SMAP1: variants seen among roughly 807,000 people sequenced by gnomAD.
SMAP1 encodes the protein stromal membrane-associated protein 1.
In SMAP1, 24 loss-of-function variants were observed where a neutral mutation model predicts 58.5. The observed-to-expected ratio is 0.41, with a 90% CI of 0.30 to 0.58. The LOEUF (loss-of-function observed/expected upper bound fraction) is 0.58, where lower values mean the gene tolerates loss of function less well. Among genes scored for constraint, SMAP1 ranks in the 20% least tolerant of loss-of-function variants. The pLI is 0.29. For synonymous variants in SMAP1, 216 were observed against 196.6 expected, an observed-to-expected ratio of 1.10 and a Z score of -0.82; for missense variants, 563 against 566.3, an observed-to-expected ratio of 0.99 and a Z score of 0.06.
intron 4 of SMAP1, among the ~76,000 whole-genome samples, chr6:70,783,277 A>G (rs1248429996): frequency 2.0e-5 from 3 of 152,244 alleles, no homozygotes; most frequent in Non-Finnish European, 4.4e-5. Context: ...AACAGAAAGG[A>G]CATCCACACC....
In SMAP1 at chr6:70,707,020, A is replaced by G. The variant is rs76279445; in HGVS notation, c.119-25358A>G. On this transcript the variant is annotated intron_variant, in intron 1 of 10. Coordinates refer to ENST00000370455, the MANE Select transcript of SMAP1 (RefSeq NM_001044305.3). The stretch of plus-strand genomic sequence containing the variant: ...TTGCCACATATGTTTGTCCTTCCTT[A>G]TTCTGGGTTTTTCTTTGATTTTTAT... Among the ~76,000 whole-genome samples the G allele has an allele frequency of 7.1e-4, 108 of 152,262 alleles. 2 individuals are homozygous for G. In the East Asian group the frequency reaches 0.018, roughly 25 times the overall value.
At chr6:70,849,105 C>T (rs991141205) in intron 7 of SMAP1, among the ~76,000 whole-genome samples, 3 of 152,138 alleles carry the variant, frequency 2.0e-5, no homozygotes, top group Non-Finnish European at 4.4e-5. Context: ...ATCACCTATG[C>T]TCATCACAAG....
intron 3 of SMAP1, among the ~76,000 whole-genome samples, chr6:70,755,314 G>A (rs1328547479): frequency 1.3e-5 from 2 of 151,948 alleles, no homozygotes; most frequent in South Asian, 4.1e-4. Flanking sequence ...ACAGACCCCT[G>A]ATTCACAATG....
chr6:70,835,547 C>T (rs1770545604), intron 6 of SMAP1, among the ~76,000 whole-genome samples: 1 of 151,864 alleles, frequency 6.6e-6, no homozygotes. Context: ...ACTCTGTTGC[C>T]CAGGCTGGAA....
intron 1 of SMAP1, among the ~76,000 whole-genome samples, chr6:70,685,411 A>G (rs912518522): frequency 6.6e-6 from 1 of 152,042 alleles, no homozygotes; most frequent in African/African-American, 2.4e-5. Context: ...GGCCATAAAC[A>G]CAGAGTGTAT....
At chr6:70,679,208 G>A (rs903037459) in intron 1 of SMAP1, among the ~76,000 whole-genome samples, 1 of 151,914 alleles carries the variant, frequency 6.6e-6, no homozygotes, top group African/African-American at 2.4e-5. Context: ...TGGTAGAGAC[G>A]GAGTTTTGCT....
intron 3 of SMAP1, among the ~76,000 whole-genome samples, chr6:70,764,861 G>A (rs1456272338): frequency 6.6e-6 from 1 of 152,048 alleles, no homozygotes. Context: ...ATGCAGTGGT[G>A]CGATCATAGT....
rs35936929 is a variant in SMAP1, at chr6:70,763,106, C to CTTTT, written c.338+8062_338+8065dup. ...CTTTATTTGCACTGTACAGATATTA[C>CTTTT]TTTTTTTTTTTTTTTTTTTTTTTTA... is the stretch of plus-strand genomic sequence containing the variant. On this transcript the variant is annotated intron_variant, in intron 3 of 10. Coordinates refer to ENST00000370455, the MANE Select transcript of SMAP1 (RefSeq NM_001044305.3). Among the ~76,000 whole-genome samples the CTTTT allele has an allele frequency of 5.8e-4, 49 of 84,458 alleles. 5 individuals carry two copies. The highest frequency in any genetic ancestry group is 1.8e-3 in the South Asian group (4 of 2,182). 55.4% of individuals were successfully genotyped at this position (84,458 alleles called of 152,430 possible).
At chr6:70,801,416 C>T (rs1222675103) in intron 6 of SMAP1, among the ~76,000 whole-genome samples, 1 of 151,866 alleles carries the variant, frequency 6.6e-6, no homozygotes, top group Non-Finnish European at 1.5e-5. Context: ...GGATATTAGC[C>T]CTTTGTCAGA....
intron 3 of SMAP1, 29 bp from the exon 4 acceptor site, chr6:70,773,321 A>G (rs1767404621): frequency 7.1e-7 from 1 of 1,410,904 alleles, no homozygotes. Context: ...CACTGAATTC[A>G]TGCTTTTCCT....
At chr6:70,731,328 G>A (rs1765423554) in intron 1 of SMAP1, among the ~76,000 whole-genome samples, 1 of 152,146 alleles carries the variant, frequency 6.6e-6, no homozygotes, top group African/African-American at 2.4e-5. Flanking sequence ...GACTTGTACA[G>A]CTAAGACTTG....
chr6:70,721,469 C>T (rs1768524869), intron 1 of SMAP1, among the ~76,000 whole-genome samples: 1 of 152,186 alleles, frequency 6.6e-6, no homozygotes, highest in Non-Finnish European at 1.5e-5. Context: ...CAAAGCCATT[C>T]AACAAGTCTC....
intron 3 of SMAP1, among the ~76,000 whole-genome samples, chr6:70,765,737 ATTTATT>A (rs929878282): frequency 2.2e-4 from 34 of 151,392 alleles, no homozygotes; most frequent in Admixed American, 4.6e-4. Flanking sequence ...TTTATTTTTT[ATTTATT>A]TTTATTTTAT....
chr6:70,769,884 C>G (rs1318002240), intron 3 of SMAP1, among the ~76,000 whole-genome samples: 2 of 151,984 alleles, frequency 1.3e-5, no homozygotes, highest in East Asian at 3.9e-4. Flanking sequence ...TTTGCAGTGG[C>G]TGGTACCGGT....
chr6:70,705,064 C>T (rs952578887), intron 1 of SMAP1, among the ~76,000 whole-genome samples: 2 of 152,084 alleles, frequency 1.3e-5, no homozygotes, highest in Non-Finnish European at 2.9e-5. Context: ...AAGTTCTTGG[C>T]ATATAGTAAG....
chr6:70,831,926 C>T lies in SMAP1; in HGVS notation c.577-5015C>T, dbSNP rs117056231. ...CTTTTCTCCACAGCGTTGCCAGCAT[C>T]TGTTATTTTTTAAATTTTTTTAATG... On this transcript the variant is annotated intron_variant, in intron 6 of 10. Coordinates refer to ENST00000370455, the MANE Select transcript of SMAP1 (RefSeq NM_001044305.3). Among the ~76,000 whole-genome samples, 694 of 152,166 alleles carry T rather than the reference C, an allele frequency of 4.6e-3. 3 individuals are homozygous for T. The highest frequency in any genetic ancestry group is 5.4e-3 in the Admixed American group (82 of 15,270).
chr6:70,726,874 GGTGTGTGTGT>G (rs35977042), intron 1 of SMAP1, among the ~76,000 whole-genome samples: 193 of 144,902 alleles, frequency 1.3e-3, no homozygotes, highest in African/African-American at 3.3e-3. Flanking sequence ...AAATTTTAGG[GGTGTGTGTGT>G]GTGTGTGTGT....
At chr6:70,682,170 ATTTTT>A (rs66981900) in intron 1 of SMAP1, among the ~76,000 whole-genome samples, 6 of 95,912 alleles carry the variant, frequency 6.3e-5, no homozygotes, top group African/African-American at 1.7e-4. Context: ...CTCTGCACAG[ATTTTT>A]TTTTTTTTTT....
chr6:70,670,016 G>A (rs1766198966), intron 1 of SMAP1, among the ~76,000 whole-genome samples: 1 of 151,144 alleles, frequency 6.6e-6, no homozygotes, highest in Non-Finnish European at 1.5e-5. Context: ...TCTTAAATTA[G>A]GATCAAAAGT....
Sources: allele counts gnomAD v4.1 joint callset (sites outside exome capture counted in the v4.1 genomes callset), GRCh38; gene constraint gnomAD v4.1.1; transcripts MANE v1.5; gene names NCBI Gene and HGNC (gene_info 2026-07-23, HGNC 2026-07-21).